CEP120: variants seen among roughly 807,000 people sequenced by gnomAD.
CEP120 encodes centrosomal protein 120.
A neutral mutation model predicts 126.5 loss-of-function variants in CEP120; 113 were observed. That is an observed-to-expected ratio of 0.89 (90% CI 0.77 to 1.04). The LOEUF is 1.04. CEP120 is among the 50% of genes least tolerant of loss of function. CEP120 has a pLI of 0.00. For synonymous variants in CEP120, 400 were observed against 394.3 expected (o/e 1.01, Z -0.17); for missense variants, 1,230 against 1,155.7 (o/e 1.06, Z -0.93).
intron 18 of CEP120, among the ~76,000 whole-genome samples, chr5:123,364,217 G>C (rs1770292222): frequency 6.6e-6 from 1 of 151,544 alleles, no homozygotes; most frequent in South Asian, 2.1e-4. Flanking sequence ...GAAAGAAAAG[G>C]GTGGTTGTTT....
intron 16 of CEP120, among the ~76,000 whole-genome samples, chr5:123,375,349 G>A (rs888273314): frequency 6.6e-6 from 1 of 150,916 alleles, no homozygotes; most frequent in South Asian, 2.1e-4. Flanking sequence ...TTGAGACACC[G>A]TCTCATTCGG....
chr5:123,357,950 A>G (rs1368222394), intron 18 of CEP120, among the ~76,000 whole-genome samples: 1 of 152,126 alleles, frequency 6.6e-6, no homozygotes, highest in Non-Finnish European at 1.5e-5. Context: ...TAGTATAACC[A>G]CTTTAAAGAT....
intron 5 of CEP120, among the ~76,000 whole-genome samples, chr5:123,394,567 C>T (rs576278178): frequency 1.2e-4 from 19 of 152,238 alleles, no homozygotes; most frequent in Non-Finnish European, 1.6e-4. Flanking sequence ...TGTACCAGTC[C>T]GCAGCCTGAG....
At chr5:123,351,657 T>C (rs1012363648) in intron 18 of CEP120, among the ~76,000 whole-genome samples, 1 of 152,174 alleles carries the variant, frequency 6.6e-6, no homozygotes, top group African/African-American at 2.4e-5. Context: ...CATAATGAGA[T>C]ATCTTGGGGA....
intron 18 of CEP120, among the ~76,000 whole-genome samples, chr5:123,359,161 T>A (rs1205978723): frequency 6.6e-6 from 1 of 152,102 alleles, no homozygotes; most frequent in Non-Finnish European, 1.5e-5. Context: ...TGTCAGCCAA[T>A]GAAGTCTGTG....
At chr5:123,411,999 C>T (rs185645296) in intron 4 of CEP120, among the ~76,000 whole-genome samples, 6 of 152,086 alleles carry the variant, frequency 3.9e-5, no homozygotes, top group Non-Finnish European at 8.8e-5. Flanking sequence ...TACTGTGAAA[C>T]TAAAACTGCT....
At position 123,418,908 on chromosome 5, in the gene CEP120, G is replaced by T. The variant is rs994808998; in HGVS notation, c.50-393C>A. 3.9e-5 allele frequency among the ~76,000 whole-genome samples: 6 copies of T among 152,246 alleles called. No homozygotes were observed. In the East Asian group the frequency reaches 1.2e-3, roughly 29 times the overall value. On this transcript the variant is annotated intron_variant, in intron 1 of 19. Transcript: ENST00000306467. ...TAGCATGTGTTTTTTTAAAACTAATGATCTGTTAAGTGTGGTTGACATGCA... is the reference window on the plus strand; with the variant it reads ...TAGCATGTGTTTTTTTAAAACTAATTATCTGTTAAGTGTGGTTGACATGCA...
At chr5:123,401,914 T>G in intron 4 of CEP120, 1 of 1,553,860 alleles carries the variant, frequency 6.4e-7, no homozygotes. Flanking sequence ...AGGTTGTTGA[T>G]GTAGCTCTTG....
chr5:123,350,347 T>G (rs895884152), intron 18 of CEP120, among the ~76,000 whole-genome samples: 1 of 152,174 alleles, frequency 6.6e-6, no homozygotes, highest in Non-Finnish European at 1.5e-5. Context: ...TGGGCCCAAG[T>G]AGGAGTATCT....
rs760202808 is a variant in CEP120 at position 123,377,349 on chromosome 5, A to G, written c.2358+25T>C. On this transcript the variant is annotated intron_variant, in intron 16 of 19. Coordinates refer to ENST00000306467, the MANE Select transcript of CEP120 (RefSeq NM_001375405.1). The stretch of plus-strand genomic sequence containing the variant: ...TAGAATGCAAATAAACTAAGCATAA[A>G]AAGATGACAAGTACGTTATCCAACC... 8 of 1,595,378 alleles carry G rather than the reference A, an allele frequency of 5.0e-6. No individual in the cohort carries two copies. The Admixed American group carries it at 1.3e-4, about 26-fold the overall frequency.
chr5:123,374,434 T>C (rs1163957655), intron 16 of CEP120, among the ~76,000 whole-genome samples: 1 of 152,128 alleles, frequency 6.6e-6, no homozygotes, highest in East Asian at 1.9e-4. Context: ...CTTAGAACAG[T>C]TTCAAAAATT....
rs1562040145 is a variant in CEP120 at position 123,382,723 on chromosome 5, A to AT, written c.2013+13dup. ...GACAAAGCAGATTTTTTAAAGTAAC[A>AT]TTTAAAAAGTAACCTGATTTTCAAA... is the stretch of plus-strand genomic sequence containing the variant. On this transcript the variant is annotated intron_variant, in intron 13 of 19. Coordinates refer to ENST00000306467, the MANE Select transcript of CEP120 (RefSeq NM_001375405.1). 6.2e-7 allele frequency: 1 copy of AT among 1,605,184 alleles called. No homozygotes were observed. Among genetic ancestry groups the AT allele is most frequent in the East Asian group, 2.2e-5 (1 of 44,610 alleles).
At chr5:123,389,553 T>C (rs1343721287) in intron 8 of CEP120, among the ~76,000 whole-genome samples, 1 of 152,196 alleles carries the variant, frequency 6.6e-6, no homozygotes, top group Non-Finnish European at 1.5e-5. Context: ...CAGGCTGGAG[T>C]GCAATGGCGC....
chr5:123,377,278 G>C (rs1771298565), intron 16 of CEP120, 96 bp downstream of exon 16: 1 of 1,148,314 alleles, frequency 8.7e-7, no homozygotes, highest in African/African-American at 1.6e-5. Context: ...AAATTACTAT[G>C]AATTTTACCA....
intron 7 of CEP120, 28 bp downstream of exon 7, chr5:123,391,082 A>C: frequency 6.5e-7 from 1 of 1,549,948 alleles, no homozygotes; most frequent in Non-Finnish European, 8.9e-7. Context: ...TAGTGAAGCC[A>C]GGGGAATGAA....
chr5:123,389,895 A>T (rs1772277718), intron 8 of CEP120, 29 bp downstream of exon 8: 2 of 1,569,418 alleles, frequency 1.3e-6, no homozygotes, highest in Non-Finnish European at 1.8e-6. Context: ...TACCTCAAAG[A>T]TCTATAAACA....
intron 18 of CEP120, among the ~76,000 whole-genome samples, chr5:123,351,538 G>A (rs1364858374): frequency 9.2e-5 from 14 of 152,054 alleles, no homozygotes; most frequent in African/African-American, 3.4e-4. Context: ...CAAATTGCGT[G>A]GTCAGAGGAT....
intron 17 of CEP120, among the ~76,000 whole-genome samples, chr5:123,369,276 G>A (rs1770687398): frequency 6.6e-6 from 1 of 151,842 alleles, no homozygotes; most frequent in South Asian, 2.1e-4. Context: ...TCTATGTTTA[G>A]CATTTTACAA....
intron 16 of CEP120, among the ~76,000 whole-genome samples, chr5:123,374,886 A>G (rs1478147161): frequency 3.9e-5 from 6 of 152,142 alleles, no homozygotes; most frequent in Non-Finnish European, 8.8e-5. Flanking sequence ...ATAAAGCAGT[A>G]AGCTATTAAG....
Sources: gnomAD v4.1 joint callset for allele counts (sites outside exome capture counted in the v4.1 genomes callset) on GRCh38, gnomAD v4.1.1 for gene constraint, MANE v1.5 for transcripts, NCBI Gene and HGNC (gene_info 2026-07-23, HGNC 2026-07-21) for gene names.